OR56A3: variants seen among roughly 807,000 people sequenced by gnomAD.
OR56A3 encodes olfactory receptor family 56 subfamily A member 3.
Under a neutral mutation model 17.5 loss-of-function variants are expected in OR56A3, and 23 were observed. That is an observed-to-expected ratio of 1.32 (90% CI 0.95 to 1.87). The LOEUF is 1.87. OR56A3 is among the 40% of genes most tolerant of loss of function. OR56A3 has a pLI of 0.00. For missense variants in OR56A3, 366 were observed against 380.1 expected (o/e 0.96, Z 0.31); for synonymous variants, 175 against 150.6 (o/e 1.16, Z -1.19).
chr11:5,976,318 G>A, the OR56A3 span, among the ~76,000 whole-genome samples: 1 of 151,888 alleles, frequency 6.6e-6, no homozygotes, highest in East Asian at 1.9e-4. Context: ...AATAGGAAGG[G>A]GTAAAAGAAA....
At chr11:5,972,698 G>A in the OR56A3 span, among the ~76,000 whole-genome samples, 16 of 152,216 alleles carry the variant, frequency 1.1e-4, no homozygotes, top group East Asian at 1.5e-3. Context: ...GCGCGATTTC[G>A]GCTCACTGCA....
At chr11:5,982,658 G>A in the OR56A3 span, among the ~76,000 whole-genome samples, 1 of 152,132 alleles carries the variant, frequency 6.6e-6, no homozygotes, top group African/African-American at 2.4e-5. Flanking sequence ...GCAAGCCTTG[G>A]GGGATGGGTG....
the OR56A3 span, among the ~76,000 whole-genome samples, chr11:5,997,918 A>G: frequency 6.6e-6 from 1 of 152,310 alleles, no homozygotes; most frequent in Admixed American, 6.5e-5. Context: ...AATATTTGTT[A>G]TTAATGATAA....
At chr11:6,012,835 T>C in the OR56A3 span, among the ~76,000 whole-genome samples, 103,426 of 152,160 alleles carry the variant, frequency 0.68, 35,480 homozygotes, top group East Asian at 0.94. Context: ...CTTGTCAGTG[T>C]CCAAAGTCCA....
the OR56A3 span, chr11:5,994,619 A>T: frequency 1.3e-6 from 1 of 784,122 alleles, no homozygotes; most frequent in East Asian, 2.5e-5. Context: ...GAGCCCATGG[A>T]TTTCGCTCTT....
At chr11:6,003,047 A>G in the OR56A3 span, 2 of 1,613,986 alleles carry the variant, frequency 1.2e-6, no homozygotes, top group Non-Finnish European at 1.7e-6. Flanking sequence ...GTAGTAGAGA[A>G]GTACAGAAAC....
At chr11:5,960,012 T>TC in the OR56A3 span, among the ~76,000 whole-genome samples, 1 of 152,228 alleles carries the variant, frequency 6.6e-6, no homozygotes, top group Non-Finnish European at 1.5e-5. Flanking sequence ...CCTATTCTGC[T>TC]CCAGTGGTCT....
chr11:5,974,195 C>A, the OR56A3 span, among the ~76,000 whole-genome samples: 1 of 152,092 alleles, frequency 6.6e-6, no homozygotes, highest in East Asian at 1.9e-4. Context: ...CAACTTCCAC[C>A]TCCTGGTTTC....
the OR56A3 span, chr11:6,002,134 G>T: frequency 1.1e-5 from 17 of 1,614,138 alleles, no homozygotes; most frequent in East Asian, 1.8e-4. Flanking sequence ...AGAGCTGGGG[G>T]AATGAGGTGG....
At chr11:6,008,959 A>C in the OR56A3 span, among the ~76,000 whole-genome samples, 102,677 of 151,404 alleles carry the variant, frequency 0.68, 35,099 homozygotes, top group East Asian at 0.93. Flanking sequence ...ATATTAACCA[A>C]ATGAGAGATA....
chr11:5,997,390 T>G, the OR56A3 span, among the ~76,000 whole-genome samples: 1 of 152,330 alleles, frequency 6.6e-6, no homozygotes, highest in South Asian at 2.1e-4. Flanking sequence ...TGCTGTACTG[T>G]AATTGCTATT....
the OR56A3 span, among the ~76,000 whole-genome samples, chr11:5,968,957 ATAAT>A: frequency 6.6e-6 from 1 of 152,230 alleles, no homozygotes; most frequent in Non-Finnish European, 1.5e-5. Flanking sequence ...ATGGGGGAAA[ATAAT>A]TATTCCTCTC....
chr11:6,001,952 T>G, the OR56A3 span: 1 of 1,248,484 alleles, frequency 8.0e-7, no homozygotes, highest in South Asian at 1.7e-5. Context: ...CAGGCAGGAT[T>G]TAAAGTGAAA....
At chr11:5,978,789 G>T in the OR56A3 span, among the ~76,000 whole-genome samples, 1 of 152,084 alleles carries the variant, frequency 6.6e-6, no homozygotes, top group African/African-American at 2.4e-5. Flanking sequence ...TTCTTTTCTT[G>T]TTCCATTTGT....
chr11:5,988,142 C>G, the OR56A3 span, among the ~76,000 whole-genome samples: 1 of 152,146 alleles, frequency 6.6e-6, no homozygotes, highest in African/African-American at 2.4e-5. Flanking sequence ...CTCCAAATTC[C>G]TTTATCTGAA....
chr11:6,006,967 G>A, the OR56A3 span: 1 of 152,322 alleles, frequency 6.6e-6, no homozygotes, highest in Non-Finnish European at 1.5e-5. Flanking sequence ...TTCTACAGGA[G>A]CTGCAGAGGC....
the OR56A3 span, among the ~76,000 whole-genome samples, chr11:5,997,328 C>G: frequency 2.0e-5 from 3 of 152,322 alleles, no homozygotes; most frequent in African/African-American, 7.2e-5. Flanking sequence ...CCCTACATGA[C>G]TCTCATGCTC....
chr11:5,948,582 T>C lies in OR56A3; in HGVS notation c.*288T>C, dbSNP rs1847889126. 2.8e-6 allele frequency: 1 copy of C among 351,426 alleles called. No homozygotes were observed. The highest frequency in any genetic ancestry group is 2.0e-5 in the African/African-American group (1 of 49,112). 21.8% of individuals were successfully genotyped at this position (351,426 alleles called of 1,614,324 possible). ...TTTTAAAGTGAAAAATGTATGTTTC[T>C]GAACACACAACTCAATATGTCATGA... On this transcript the variant is annotated 3_prime_UTR_variant, in exon 3 of 3. Coordinates refer to ENST00000641160, the MANE Select transcript of OR56A3 (RefSeq NM_001003443.3).
At position 5,947,955 on chromosome 11, in the gene OR56A3, A is replaced by G. The variant is rs10769378; in HGVS notation, c.609A>G (p.Gln203=). The change falls in exon 3 of 3, where the codon CAA becomes CAG. Residue 203 remains glutamine, a synonymous_variant. Coordinates refer to ENST00000641160, the MANE Select transcript of OR56A3 (RefSeq NM_001003443.3). The part of the protein sequence containing the change: ...CDDVTINHLY[Q]FAGGWTLLGS... ...ATGTCACCATCAATCACCTTTACCAATTTGCTGGAGGCTGGACTCTGCTAG... is the reference window on the plus strand; with the variant it reads ...ATGTCACCATCAATCACCTTTACCAGTTTGCTGGAGGCTGGACTCTGCTAG... 0.27 allele frequency: 442,903 copies of G among 1,613,602 alleles called. 63,492 individuals carry two copies. Among genetic ancestry groups the G allele is most frequent in the Admixed American group, 0.3 (17,717 of 59,982 alleles).
Sources: allele counts gnomAD v4.1 joint callset (sites outside exome capture counted in the v4.1 genomes callset), GRCh38; gene constraint gnomAD v4.1.1; transcripts MANE v1.5; gene names NCBI Gene and HGNC (gene_info 2026-07-23, HGNC 2026-07-21).